Variants in ANKRD27 observed in about 807,000 individuals in gnomAD.
ANKRD27 encodes ankyrin repeat domain-containing protein 27.
A neutral mutation model predicts 129.7 loss-of-function variants in ANKRD27; 112 were observed. The ratio of observed to expected loss-of-function variants is 0.86; its 90% CI spans 0.74 to 1.01. The LOEUF (loss-of-function observed/expected upper bound fraction) is 1.01. Ranked by LOEUF, ANKRD27 falls within the 50% of genes least tolerant of loss-of-function variation. The probability of loss-of-function intolerance (pLI) is 0.00; values close to 1 mark genes in which losing one functional copy is unlikely to be tolerated. For missense variants in ANKRD27, 1,258 were observed against 1,300.5 expected, an observed-to-expected ratio of 0.97 and a Z score of 0.50; for synonymous variants, 516 against 511.2, an observed-to-expected ratio of 1.01 and a Z score of -0.13.
chr19:32,664,135 G>T (rs1277640660), intron 1 of ANKRD27, among the ~76,000 whole-genome samples: 3 of 150,164 alleles, frequency 2.0e-5, no homozygotes, highest in Non-Finnish European at 4.4e-5. Flanking sequence ...TCCAAAATAT[G>T]ATATTTTCAA....
At chr19:32,621,946 A>G (rs930563095) in intron 18 of ANKRD27, among the ~76,000 whole-genome samples, 1 of 152,208 alleles carries the variant, frequency 6.6e-6, no homozygotes, top group African/African-American at 2.4e-5. Context: ...TGCTCCCCAA[A>G]CTATGTCTCC....
At chr19:32,658,024 G>A (rs1394821092) in intron 2 of ANKRD27, among the ~76,000 whole-genome samples, 1 of 152,014 alleles carries the variant, frequency 6.6e-6, no homozygotes, top group Non-Finnish European at 1.5e-5. Flanking sequence ...CAATTCCGGC[G>A]TCCGAGAGGC....
chr19:32,662,998 C>T (rs573762132), intron 1 of ANKRD27, among the ~76,000 whole-genome samples: 11 of 152,162 alleles, frequency 7.2e-5, no homozygotes, highest in African/African-American at 1.4e-4. Context: ...GCCGAGATCA[C>T]GCCACTTCAC....
chr19:32,601,363 A>G (rs1304936485), intron 26 of ANKRD27, among the ~76,000 whole-genome samples: 2 of 151,736 alleles, frequency 1.3e-5, no homozygotes, highest in Non-Finnish European at 2.9e-5. Flanking sequence ...TTGGGAGGCC[A>G]AGGCGGGCAG....
intron 17 of ANKRD27, among the ~76,000 whole-genome samples, chr19:32,625,301 T>C (rs1384384562): frequency 2.0e-5 from 3 of 151,886 alleles, no homozygotes; most frequent in African/African-American, 7.3e-5. Flanking sequence ...ATGTAAAAAT[T>C]GAATATGTAC....
rs184573063 is a variant in ANKRD27 at position 32,602,811 on chromosome 19, G to A, written c.2656-685C>T. ...AGGCTGAGGTTGGAGGATCATCTGC[G>A]CCCAAAGGTTAAGGCTGCAGTGAGC... is the stretch of plus-strand genomic sequence containing the variant. On this transcript the variant is annotated intron_variant, in intron 25 of 28. Transcript: ENST00000306065. 7.3e-4 allele frequency among the ~76,000 whole-genome samples: 111 copies of A among 151,834 alleles called. 1 individual carries two copies. In the East Asian group the frequency reaches 0.017, roughly 24 times the overall value.
At chr19:32,619,667 T>C in intron 18 of ANKRD27, 114 bp from the exon 19 acceptor site, 1 of 1,321,006 alleles carries the variant, frequency 7.6e-7, no homozygotes, top group Admixed American at 1.7e-5. Flanking sequence ...GTCAGTGCAG[T>C]GAGCCTTAGG....
intron 10 of ANKRD27, among the ~76,000 whole-genome samples, chr19:32,641,656 T>C (rs1279092253): frequency 3.3e-5 from 5 of 152,082 alleles, no homozygotes; most frequent in Non-Finnish European, 5.9e-5. Context: ...AAGTCTACCA[T>C]ATGCATTCCT....
At chr19:32,610,562 C>T (rs1341731368) in intron 22 of ANKRD27, among the ~76,000 whole-genome samples, 1 of 150,766 alleles carries the variant, frequency 6.6e-6, no homozygotes, top group Non-Finnish European at 1.5e-5. Flanking sequence ...GAGGCTGAGG[C>T]AAGCGGATCA....
At chr19:32,670,074 C>T (rs142874763) in intron 1 of ANKRD27, among the ~76,000 whole-genome samples, 18 of 151,814 alleles carry the variant, frequency 1.2e-4, no homozygotes, top group East Asian at 5.8e-4. Context: ...AGTAAGACTC[C>T]AAGCAGAGGC....
chr19:32,638,275 G>A (rs1488551963), intron 12 of ANKRD27: 1 of 152,334 alleles, frequency 6.6e-6, no homozygotes, highest in East Asian at 1.9e-4. Flanking sequence ...TCAGACAGAT[G>A]TCGGGACTAC....
intron 1 of ANKRD27, among the ~76,000 whole-genome samples, chr19:32,666,037 G>A (rs1397083997): frequency 3.3e-5 from 5 of 151,818 alleles, no homozygotes; most frequent in African/African-American, 1.2e-4. Flanking sequence ...CAAACTGTTG[G>A]GATTACAGGC....
chr19:32,648,019 A>G (rs1967335737), intron 3 of ANKRD27, among the ~76,000 whole-genome samples: 1 of 152,228 alleles, frequency 6.6e-6, no homozygotes, highest in East Asian at 1.9e-4. Context: ...TAATCCAAGC[A>G]CTTTCGGAGA....
intron 21 of ANKRD27, among the ~76,000 whole-genome samples, chr19:32,616,221 G>C (rs1056844806): frequency 5.3e-5 from 8 of 152,060 alleles, no homozygotes; most frequent in Non-Finnish European, 1.0e-4. Context: ...CCTGGTCCTA[G>C]GGCACTTAGT....
intron 22 of ANKRD27, among the ~76,000 whole-genome samples, chr19:32,614,370 G>A (rs1292453862): frequency 1.3e-5 from 2 of 152,136 alleles, no homozygotes; most frequent in Non-Finnish European, 2.9e-5. Flanking sequence ...TTAGTGTTCT[G>A]TCTTTTTGAG....
chr19:32,618,976 T>G (rs1971964673), intron 20 of ANKRD27, among the ~76,000 whole-genome samples: 1 of 152,200 alleles, frequency 6.6e-6, no homozygotes, highest in South Asian at 2.1e-4. Context: ...CTGACTTGTC[T>G]TCTTCTTAGC....
intron 1 of ANKRD27, among the ~76,000 whole-genome samples, chr19:32,674,356 C>T (rs1967936112): frequency 6.6e-6 from 1 of 152,136 alleles, no homozygotes; most frequent in Non-Finnish European, 1.5e-5. Flanking sequence ...GCTCTAAATC[C>T]TCAGCGAAGA....
intron 15 of ANKRD27, among the ~76,000 whole-genome samples, chr19:32,627,168 T>C (rs1033781967): frequency 2.0e-5 from 3 of 152,034 alleles, no homozygotes; most frequent in East Asian, 1.9e-4. Flanking sequence ...AACATATTCT[T>C]GCATAGTGCT....
chr19:32,666,814 T>A (rs1336164622), intron 1 of ANKRD27, among the ~76,000 whole-genome samples: 1 of 151,972 alleles, frequency 6.6e-6, no homozygotes, highest in East Asian at 1.9e-4. Context: ...TCCCGGCTAA[T>A]TTTTTTATTT....
Sources: allele counts gnomAD v4.1 joint callset (sites outside exome capture counted in the v4.1 genomes callset), GRCh38; gene constraint gnomAD v4.1.1; transcripts MANE v1.5; gene names NCBI Gene and HGNC (gene_info 2026-07-23, HGNC 2026-07-21).